TSC22D3: variants seen among roughly 807,000 people sequenced by gnomAD.
The protein encoded by TSC22D3 is TSC22 domain family protein 3.
In TSC22D3, 4 loss-of-function variants were observed where a neutral mutation model predicts 11.1. That is an observed-to-expected ratio of 0.36 (90% CI 0.18 to 0.83). The LOEUF (loss-of-function observed/expected upper bound fraction) is 0.83, where lower values mean the gene tolerates loss of function less well. Ranked by LOEUF, TSC22D3 falls within the 40% of genes least tolerant of loss-of-function variation. TSC22D3 has a pLI of 0.48. For synonymous variants in TSC22D3, 77 were observed against 70.3 expected (o/e 1.10, Z -0.48); for missense variants, 118 against 159.4 (o/e 0.74, Z 1.40).
At chrX:107,752,414 A>G (rs1406419362) in intron 1 of TSC22D3, among the ~76,000 whole-genome samples, 4 of 111,804 alleles carry the variant, frequency 3.6e-5, no homozygotes, top group Non-Finnish European at 7.5e-5. Context: ...CACTTTCCCT[A>G]CTCAACTTCA....
chrX:107,746,756 ACACATT>A (rs1928685052), intron 1 of TSC22D3, among the ~76,000 whole-genome samples: 1 of 112,405 alleles, frequency 8.9e-6, no homozygotes, highest in African/African-American at 3.2e-5. Context: ...TTACACATAC[ACACATT>A]CATGTGTGTC....
chrX:107,727,723 C>T (rs915963785), intron 1 of TSC22D3, among the ~76,000 whole-genome samples: 5 of 112,070 alleles, frequency 4.5e-5, no homozygotes, highest in Non-Finnish European at 9.4e-5. Context: ...GTTTCAAATT[C>T]GTCTTTCTAA....
At chrX:107,721,986 G>A (rs1927358338) in intron 1 of TSC22D3, 1 of 410,982 alleles carries the variant, frequency 2.4e-6, no homozygotes, top group South Asian at 5.0e-5. Context: ...ACTATAGACA[G>A]GAAGGCCACT....
At chrX:107,728,728 C>T (rs1260519271) in intron 1 of TSC22D3, among the ~76,000 whole-genome samples, 1 of 112,508 alleles carries the variant, frequency 8.9e-6, no homozygotes, top group East Asian at 2.8e-4. Flanking sequence ...CCATTAATGT[C>T]ACCCTTGGGT....
At chrX:107,729,268 C>G (rs902905684) in intron 1 of TSC22D3, among the ~76,000 whole-genome samples, 1 of 111,374 alleles carries the variant, frequency 9.0e-6, no homozygotes, top group African/African-American at 3.3e-5. Context: ...GGTGGCATAG[C>G]TGAGAAATTA....
intron 1 of TSC22D3, among the ~76,000 whole-genome samples, chrX:107,757,293 C>G (rs1383869462): frequency 1.8e-5 from 2 of 111,490 alleles, no homozygotes; most frequent in Admixed American, 9.5e-5. Context: ...ATCCCTACCC[C>G]ACTCCCCGGT....
chrX:107,771,713 A>G (rs7879424), intron 1 of TSC22D3, among the ~76,000 whole-genome samples: 5,768 of 112,830 alleles, frequency 0.051, 362 homozygotes, highest in African/African-American at 0.18. Context: ...TGTTATGGTT[A>G]TTAGTTACAT....
At chrX:107,743,949 A>G (rs1318665914) in intron 1 of TSC22D3, among the ~76,000 whole-genome samples, 1 of 112,086 alleles carries the variant, frequency 8.9e-6, no homozygotes, top group Admixed American at 9.4e-5. Context: ...CCAAGTGTGT[A>G]GCCTGAAATA....
intron 1 of TSC22D3, among the ~76,000 whole-genome samples, chrX:107,722,931 C>T (rs1927417776): frequency 8.9e-6 from 1 of 111,953 alleles, no homozygotes; most frequent in Non-Finnish European, 1.9e-5. Context: ...ATTGGCAGTA[C>T]AAATCCAAAA....
chrX:107,733,063 C>T (rs1927959896), intron 1 of TSC22D3, among the ~76,000 whole-genome samples: 1 of 104,618 alleles, frequency 9.6e-6, no homozygotes, highest in African/African-American at 3.6e-5. Flanking sequence ...TGCACCACTG[C>T]ACTCCAGCCT....
In TSC22D3 at chrX:107,775,143, T is replaced by A; in HGVS notation, c.277A>T (p.Asn93Tyr). The A allele has an allele frequency of 8.3e-7, 1 of 1,211,997 alleles. No individual in the cohort carries two copies. Among genetic ancestry groups the A allele is most frequent in the East Asian group, 3.0e-5 (1 of 33,836 alleles). Residue 93 changes from asparagine (N) to tyrosine (Y), a missense_variant, in exon 1 of 3, where the codon AAC becomes TAC. By Grantham distance (143) the Asn-to-Tyr change is moderately radical. Coordinates refer to ENST00000372383, the MANE Select transcript of TSC22D3 (RefSeq NM_198057.3). ...ATGGAGAGCATGGTCTGGTCGATGT[T>A]GCGGTTGCAGATGCCCTCGTTGATC... ...YLINEGICNR[N>Y]IDQTMLSILL...
chrX:107,745,774 A>T (rs1320849537), intron 1 of TSC22D3, among the ~76,000 whole-genome samples: 1 of 112,173 alleles, frequency 8.9e-6, no homozygotes, highest in Non-Finnish European at 1.9e-5. Context: ...TCAGCTCCAA[A>T]CATCCGTTTG....
chrX:107,746,255 T>C (rs754260289), intron 1 of TSC22D3, among the ~76,000 whole-genome samples: 6 of 111,233 alleles, frequency 5.4e-5, no homozygotes, highest in Non-Finnish European at 7.5e-5. Flanking sequence ...TGGTACAAAA[T>C]ATCTCCCTAA....
rs1191615554 is a variant in TSC22D3, at chrX:107,751,484, GT to G, written c.320+23615del. On this transcript the variant is annotated intron_variant, in intron 1 of 2. Coordinates refer to ENST00000372383, the MANE Select transcript of TSC22D3 (RefSeq NM_198057.3). ...TCGGAAGGACTGTAACCCTTACTCTGTAAGTGGTTGGAGTTCCTCCCTTTAA... is the reference window on the plus strand; with the variant it reads ...TCGGAAGGACTGTAACCCTTACTCTGAAGTGGTTGGAGTTCCTCCCTTTAA... Among the ~76,000 whole-genome samples, 10 of 112,443 alleles carry G rather than the reference GT, an allele frequency of 8.9e-5. No homozygotes were observed. The Admixed American group carries it at 9.4e-4, about 11-fold the overall frequency.
chrX:107,748,646 C>T (rs1469501493), intron 1 of TSC22D3, among the ~76,000 whole-genome samples: 1 of 111,521 alleles, frequency 9.0e-6, no homozygotes, highest in African/African-American at 3.3e-5. Flanking sequence ...CAGCTCACAC[C>T]GACTAGTTCT....
intron 1 of TSC22D3, among the ~76,000 whole-genome samples, chrX:107,771,884 C>A (rs921789023): frequency 1.8e-5 from 2 of 112,393 alleles, no homozygotes; most frequent in Non-Finnish European, 3.7e-5. Flanking sequence ...AGAGTTACTG[C>A]ATGTGGTTAA....
chrX:107,738,615 T>C (rs1246180760), intron 1 of TSC22D3, among the ~76,000 whole-genome samples: 1 of 113,259 alleles, frequency 8.8e-6, no homozygotes, highest in Non-Finnish European at 1.9e-5. Context: ...TCAACACCAG[T>C]TGGCAGTTCA....
intron 1 of TSC22D3, among the ~76,000 whole-genome samples, chrX:107,744,173 G>A (rs1244062986): frequency 1.8e-5 from 2 of 112,171 alleles, no homozygotes; most frequent in Admixed American, 1.9e-4. Context: ...GGCTGAAGCT[G>A]AAGCCACTGG....
chrX:107,730,460 C>G (rs747809767), intron 1 of TSC22D3, among the ~76,000 whole-genome samples: 1 of 111,547 alleles, frequency 9.0e-6, no homozygotes, highest in Non-Finnish European at 1.9e-5. Context: ...TTTGGTGGGG[C>G]CTGTTTCTTT....
Sources: allele counts gnomAD v4.1 joint callset (sites outside exome capture counted in the v4.1 genomes callset), GRCh38; gene constraint gnomAD v4.1.1; transcripts MANE v1.5; gene names NCBI Gene and HGNC (gene_info 2026-07-23, HGNC 2026-07-21).